ERBB4: variants seen among roughly 807,000 people sequenced by gnomAD.
The protein encoded by ERBB4 is erb-b2 receptor tyrosine kinase 4.
ERBB4 carries 42 observed loss-of-function variants against 158.0 expected under a neutral mutation model. That is an observed-to-expected ratio of 0.27 (90% CI 0.21 to 0.34). The LOEUF (loss-of-function observed/expected upper bound fraction) is 0.34, where lower values mean the gene tolerates loss of function less well. Ranked by LOEUF, ERBB4 falls within the 10% of genes least tolerant of loss-of-function variation. The pLI is 1.00. For synonymous variants in ERBB4, 583 were observed against 558.7 expected, an observed-to-expected ratio of 1.04 and a Z score of -0.61; for missense variants, 1,333 against 1,624.1, an observed-to-expected ratio of 0.82 and a Z score of 3.08.
At chr2:211,882,594 T>G (rs1468223035) in intron 3 of ERBB4, among the ~76,000 whole-genome samples, 1 of 152,190 alleles carries the variant, frequency 6.6e-6, no homozygotes, top group African/African-American at 2.4e-5. Flanking sequence ...ACAGCAATGT[T>G]CTGAATATTT....
At chr2:211,771,986 A>G (rs2075702561) in intron 4 of ERBB4, among the ~76,000 whole-genome samples, 1 of 152,224 alleles carries the variant, frequency 6.6e-6, no homozygotes, top group Admixed American at 6.5e-5. Flanking sequence ...ATTAAACTAT[A>G]TAAACCCACA....
chr2:211,655,366 C>T (rs2071172270), intron 16 of ERBB4, among the ~76,000 whole-genome samples: 1 of 152,144 alleles, frequency 6.6e-6, no homozygotes, highest in African/African-American at 2.4e-5. Context: ...AATAATAACA[C>T]TTATTGAGTG....
chr2:211,609,325 C>T (rs559872105), intron 19 of ERBB4, among the ~76,000 whole-genome samples: 2 of 152,238 alleles, frequency 1.3e-5, no homozygotes, highest in South Asian at 4.1e-4. Context: ...GCCCTGCCCC[C>T]ACACCCAGTA....
At chr2:211,592,149 C>A (rs971674106) in intron 19 of ERBB4, among the ~76,000 whole-genome samples, 1 of 151,970 alleles carries the variant, frequency 6.6e-6, no homozygotes, top group South Asian at 2.1e-4. Context: ...GATGCAGGGG[C>A]TTTAAGACTA....
At chr2:212,487,388 C>A (rs991557442) in intron 1 of ERBB4, among the ~76,000 whole-genome samples, 9 of 151,990 alleles carry the variant, frequency 5.9e-5, no homozygotes, top group Non-Finnish European at 1.2e-4. Flanking sequence ...AAATCCTTAT[C>A]AGAATATAAA....
intron 20 of ERBB4, among the ~76,000 whole-genome samples, chr2:211,459,796 T>C (rs540552084): frequency 1.3e-5 from 2 of 152,278 alleles, no homozygotes; most frequent in African/African-American, 4.8e-5. Flanking sequence ...AATGGACTAA[T>C]ACAGGAGGGA....
chr2:211,839,536 T>C (rs2077424718), intron 3 of ERBB4, among the ~76,000 whole-genome samples: 1 of 152,110 alleles, frequency 6.6e-6, no homozygotes, highest in Non-Finnish European at 1.5e-5. Flanking sequence ...TTTTCCACAG[T>C]ACAGTAGATC....
chr2:211,580,824 T>TTATA (rs1553575931), intron 19 of ERBB4, among the ~76,000 whole-genome samples: 216 of 13,504 alleles, frequency 0.016, 29 homozygotes, highest in Non-Finnish European at 0.071. Flanking sequence ...TATATATATA[T>TTATA]TATATATATA....
At chr2:211,415,186 G>A (rs1166758543) in intron 25 of ERBB4, among the ~76,000 whole-genome samples, 43 of 128,710 alleles carry the variant, frequency 3.3e-4, no homozygotes, top group African/African-American at 1.2e-3. Flanking sequence ...GCGCGACCTC[G>A]GCTCACTGCA....
chr2:212,192,015 TTA>T lies in ERBB4; in HGVS notation c.83-67114_83-67113del, dbSNP rs1320408310. 2.1e-3 allele frequency among the ~76,000 whole-genome samples: 92 copies of T among 43,372 alleles called. No homozygotes were observed. The East Asian group carries it at 0.03, about 14-fold the overall frequency. 28.5% of individuals were successfully genotyped at this position (43,372 alleles called of 152,430 possible). A position where few individuals can be genotyped will look rare whatever the true frequency, so the allele number is the denominator to read the frequency against. On this transcript the variant is annotated intron_variant, in intron 1 of 27. Transcript: ENST00000342788. ...TTATATATGTTATATATAATATATG[TTA>T]TATGTTATATATGTTATATGTTATA...
intron 1 of ERBB4, among the ~76,000 whole-genome samples, chr2:212,503,470 A>G (rs1691012613): frequency 6.6e-6 from 1 of 152,238 alleles, no homozygotes; most frequent in South Asian, 2.1e-4. Context: ...GACTGCATTT[A>G]TATCACTTCA....
intron 19 of ERBB4, among the ~76,000 whole-genome samples, chr2:211,598,519 T>A (rs754063282): frequency 1.3e-5 from 2 of 152,204 alleles, no homozygotes; most frequent in African/African-American, 4.8e-5. Context: ...AACTGGGGTA[T>A]GTTGAATCCT....
At chr2:212,080,024 T>TA (rs879670500) in intron 2 of ERBB4, among the ~76,000 whole-genome samples, 202 of 151,004 alleles carry the variant, frequency 1.3e-3, no homozygotes, top group African/African-American at 4.3e-3. Context: ...GCTCCTCACA[T>TA]AAAAAAAAAT....
In ERBB4 at chr2:211,851,556, T is replaced by C. The variant is rs370299913; in HGVS notation, c.422-63397A>G. On this transcript the variant is annotated intron_variant, in intron 3 of 27. Coordinates refer to ENST00000342788, the MANE Select transcript of ERBB4 (RefSeq NM_005235.3). ...TAGATAATGGGGATGTAGCACAAGT[T>C]CTAAAATATGGTAACAAACATATGT... Among the ~76,000 whole-genome samples, 93 of 152,032 alleles carry C rather than the reference T, an allele frequency of 6.1e-4. 2 individuals are homozygous for C. In the South Asian group the frequency reaches 0.018, roughly 30 times the overall value.
chr2:212,007,432 CCTT>C (rs2076285072), intron 2 of ERBB4, among the ~76,000 whole-genome samples: 1 of 151,628 alleles, frequency 6.6e-6, no homozygotes, highest in Non-Finnish European at 1.5e-5. Flanking sequence ...TGGTAAACCA[CCTT>C]CTTAACATTT....
At chr2:212,021,781 A>G (rs2076656435) in intron 2 of ERBB4, among the ~76,000 whole-genome samples, 1 of 152,124 alleles carries the variant, frequency 6.6e-6, no homozygotes, top group South Asian at 2.1e-4. Flanking sequence ...CAGAATGAAC[A>G]GACAACAAAA....
chr2:211,497,540 A>C (rs953571518), intron 20 of ERBB4, among the ~76,000 whole-genome samples: 39 of 152,160 alleles, frequency 2.6e-4, no homozygotes, highest in African/African-American at 8.7e-4. Context: ...GGCATCACTT[A>C]CTTCAACAGA....
At chr2:212,504,118 T>C (rs1691050530) in intron 1 of ERBB4, among the ~76,000 whole-genome samples, 1 of 152,164 alleles carries the variant, frequency 6.6e-6, no homozygotes, top group African/African-American at 2.4e-5. Flanking sequence ...TCTTACATAC[T>C]GATTAGAGAC....
chr2:212,356,429 A>G (rs1427040861), intron 1 of ERBB4, among the ~76,000 whole-genome samples: 1 of 152,030 alleles, frequency 6.6e-6, no homozygotes, highest in African/African-American at 2.4e-5. Context: ...TGTAAAAAAT[A>G]AATCTGATGG....
Sources: allele counts gnomAD v4.1 joint callset (sites outside exome capture counted in the v4.1 genomes callset), GRCh38; gene constraint gnomAD v4.1.1; transcripts MANE v1.5; gene names NCBI Gene and HGNC (gene_info 2026-07-23, HGNC 2026-07-21).